Variants in SMYD3 observed in about 807,000 individuals in gnomAD.
The protein encoded by SMYD3 is SET and MYND domain containing 3, also known as histone-lysine N-methyltransferase SMYD3.
A neutral mutation model predicts 57.7 loss-of-function variants in SMYD3; 36 were observed. The ratio of observed to expected loss-of-function variants is 0.62; its 90% CI spans 0.48 to 0.82. The LOEUF (loss-of-function observed/expected upper bound fraction) is 0.82. Ranked by LOEUF, SMYD3 falls within the 40% of genes least tolerant of loss-of-function variation. SMYD3 has a pLI of 0.00. For missense variants in SMYD3, 515 were observed against 538.8 expected (o/e 0.96, Z 0.44); for synonymous variants, 211 against 195.0 (o/e 1.08, Z -0.68).
chr1:246,334,700 C>A (rs1301800706), intron 3 of SMYD3, among the ~76,000 whole-genome samples: 1 of 152,102 alleles, frequency 6.6e-6, no homozygotes, highest in Admixed American at 6.5e-5. Flanking sequence ...TGCACATGTA[C>A]CCCCTGAATC....
At chr1:245,812,546 A>G (rs551378495) in intron 10 of SMYD3, among the ~76,000 whole-genome samples, 28 of 152,130 alleles carry the variant, frequency 1.8e-4, no homozygotes, top group Non-Finnish European at 2.8e-4. Context: ...GGGCTGCCCG[A>G]GGAAACCCTA....
intron 5 of SMYD3, among the ~76,000 whole-genome samples, chr1:245,989,437 A>G (rs12023760): frequency 0.097 from 14,769 of 152,284 alleles, 1,283 homozygotes; most frequent in East Asian, 0.44. Context: ...TTCCCTAGGC[A>G]TTACTTGTTA....
chr1:246,507,144 C>A lies in SMYD3; in HGVS notation c.74G>T (p.Arg25Leu). ...GNGLRAVTPL[R>L]PGELLFRSDP... ...CGAGCGGAAGAGTAGCTCTCCGGGG[C>A]GCAGCGGGGTCACGGCGCGCAGCCC... is the stretch of plus-strand genomic sequence containing the variant. The change falls in exon 1 of 12, where the codon CGC becomes CTC. Residue 25 changes from arginine (R) to leucine (L), a missense_variant. Arg to Leu is a moderately radical substitution (Grantham distance 102). Transcript: ENST00000490107. 2.0e-6 allele frequency: 3 copies of A among 1,533,794 alleles called. No homozygotes were observed. Among genetic ancestry groups the A allele is most frequent in the Non-Finnish European group, 1.8e-6 (2 of 1,140,316 alleles).
intron 5 of SMYD3, among the ~76,000 whole-genome samples, chr1:246,071,060 A>G (rs1051116739): frequency 6.6e-6 from 1 of 152,236 alleles, no homozygotes; most frequent in South Asian, 2.1e-4. Flanking sequence ...GAAGATTACA[A>G]TAGGATAAAT....
intron 5 of SMYD3, among the ~76,000 whole-genome samples, chr1:246,164,422 G>GAAAT (rs755805146): frequency 5.9e-5 from 9 of 151,936 alleles, no homozygotes; most frequent in Non-Finnish European, 1.0e-4. Flanking sequence ...TCCGTCTCAA[G>GAAAT]AAATAAATAA....
At chr1:246,001,982 A>T (rs1024247739) in intron 5 of SMYD3, among the ~76,000 whole-genome samples, 19 of 152,178 alleles carry the variant, frequency 1.2e-4, no homozygotes, top group East Asian at 1.9e-4. Context: ...TCCCCAAGAG[A>T]TCACAGATAC....
At chr1:246,056,191 A>G (rs948294287) in intron 5 of SMYD3, among the ~76,000 whole-genome samples, 3 of 152,144 alleles carry the variant, frequency 2.0e-5, no homozygotes, top group Admixed American at 6.5e-5. Flanking sequence ...TTATTGCTCA[A>G]TAAAGTTGAT....
intron 1 of SMYD3, among the ~76,000 whole-genome samples, chr1:246,410,902 A>G (rs1383381898): frequency 2.0e-5 from 3 of 152,032 alleles, no homozygotes; most frequent in Non-Finnish European, 4.4e-5. Flanking sequence ...GTCTTGGGAG[A>G]GTGTATGTGT....
rs144513314 is a variant in SMYD3 at position 246,166,235 on chromosome 1, A to C, written c.531+160966T>G. On this transcript the variant is annotated intron_variant, in intron 5 of 11. Coordinates refer to ENST00000490107, the MANE Select transcript of SMYD3 (RefSeq NM_001167740.2). ...TCAAAGGTCTATACTGAACGTGAAAAACCCTCTGGGCACAGGCTGCACCAG... is the reference window on the plus strand; with the variant it reads ...TCAAAGGTCTATACTGAACGTGAAACACCCTCTGGGCACAGGCTGCACCAG... Among the ~76,000 whole-genome samples the C allele has an allele frequency of 4.6e-3, 708 of 152,264 alleles. 6 individuals carry two copies. Among genetic ancestry groups the C allele is most frequent in the Middle Eastern group, 0.01 (3 of 294 alleles).
At chr1:245,955,301 T>C (rs2147963577) in intron 5 of SMYD3, among the ~76,000 whole-genome samples, 1 of 152,306 alleles carries the variant, frequency 6.6e-6, no homozygotes, top group East Asian at 1.9e-4. Flanking sequence ...TTCACCGCAT[T>C]AGCCAGGATG....
intron 5 of SMYD3, among the ~76,000 whole-genome samples, chr1:246,197,266 G>A (rs2062841398): frequency 6.6e-6 from 1 of 152,174 alleles, no homozygotes; most frequent in Admixed American, 6.5e-5. Flanking sequence ...CTTAGGTCTG[G>A]GTGGTGCCTA....
intron 10 of SMYD3, among the ~76,000 whole-genome samples, chr1:245,811,540 T>C (rs935882809): frequency 1.3e-5 from 2 of 152,212 alleles, no homozygotes; most frequent in African/African-American, 4.8e-5. Context: ...TGGAAAAACA[T>C]CTGATGAGAG....
intron 10 of SMYD3, among the ~76,000 whole-genome samples, chr1:245,806,731 A>G (rs866692370): frequency 4.0e-5 from 6 of 151,526 alleles, no homozygotes; most frequent in Middle Eastern, 3.4e-3. Flanking sequence ...TAACAAGGTG[A>G]AACCCCGTCT....
At chr1:246,489,106 G>A (rs2068231129) in intron 1 of SMYD3, among the ~76,000 whole-genome samples, 1 of 152,086 alleles carries the variant, frequency 6.6e-6, no homozygotes, top group African/African-American at 2.4e-5. Flanking sequence ...CAGCACTGTG[G>A]GAGGCCGAGG....
At chr1:246,077,048 G>A (rs538335414) in intron 5 of SMYD3, among the ~76,000 whole-genome samples, 1 of 152,306 alleles carries the variant, frequency 6.6e-6, no homozygotes, top group South Asian at 2.1e-4. Context: ...GGAACCAGAA[G>A]CAGAAATAGG....
intron 2 of SMYD3, among the ~76,000 whole-genome samples, chr1:246,338,885 A>G (rs1202031099): frequency 6.6e-6 from 1 of 152,208 alleles, no homozygotes; most frequent in Non-Finnish European, 1.5e-5. Context: ...TTTATGGAAA[A>G]TTACAGGCAC....
chr1:245,944,399 C>A (rs924308723), intron 5 of SMYD3, among the ~76,000 whole-genome samples: 1 of 151,852 alleles, frequency 6.6e-6, no homozygotes, highest in Non-Finnish European at 1.5e-5. Context: ...ATAATTGCTA[C>A]AAAGAGAATA....
intron 5 of SMYD3, among the ~76,000 whole-genome samples, chr1:246,297,504 C>A (rs1538692): frequency 6.6e-6 from 1 of 152,100 alleles, no homozygotes; most frequent in Non-Finnish European, 1.5e-5. Context: ...AGATCAAGAA[C>A]CCTCAACGAA....
At chr1:246,292,830 A>T (rs955899023) in intron 5 of SMYD3, among the ~76,000 whole-genome samples, 1 of 152,200 alleles carries the variant, frequency 6.6e-6, no homozygotes, top group Non-Finnish European at 1.5e-5. Context: ...CAGGAAGCTT[A>T]GGCAGGGAGC....
Sources: allele counts gnomAD v4.1 joint callset (sites outside exome capture counted in the v4.1 genomes callset), GRCh38; gene constraint gnomAD v4.1.1; transcripts MANE v1.5; gene names NCBI Gene and HGNC (gene_info 2026-07-23, HGNC 2026-07-21).